CDH9: variants seen among roughly 807,000 people sequenced by gnomAD.
The protein encoded by CDH9 is cadherin-9.
A neutral mutation model predicts 70.9 loss-of-function variants in CDH9; 28 were observed. That is an observed-to-expected ratio of 0.40 (90% CI 0.29 to 0.54). The LOEUF (loss-of-function observed/expected upper bound fraction) is 0.54. Ranked by LOEUF, CDH9 falls within the 20% of genes least tolerant of loss-of-function variation. CDH9 has a pLI of 0.59. For missense variants in CDH9, 874 were observed against 984.4 expected, an observed-to-expected ratio of 0.89 and a Z score of 1.50; for synonymous variants, 409 against 343.1, an observed-to-expected ratio of 1.19 and a Z score of -2.12.
intron 2 of CDH9, among the ~76,000 whole-genome samples, chr5:26,922,281 T>G (rs908228873): frequency 4.0e-5 from 6 of 151,456 alleles, no homozygotes; most frequent in African/African-American, 1.5e-4. Flanking sequence ...AACAAGACAT[T>G]TACTAATCAA....
chr5:26,996,175 G>A (rs2112099887), intron 1 of CDH9, among the ~76,000 whole-genome samples: 1 of 151,934 alleles, frequency 6.6e-6, no homozygotes, highest in South Asian at 2.1e-4. Flanking sequence ...TTCAGACAAA[G>A]TTTCTCAGCT....
intron 1 of CDH9, among the ~76,000 whole-genome samples, chr5:27,036,751 A>G (rs981061342): frequency 5.9e-5 from 9 of 151,780 alleles, no homozygotes; most frequent in Non-Finnish European, 1.3e-4. Flanking sequence ...TTCAAAACAC[A>G]TATAGAGATG....
At chr5:26,934,058 C>G (rs932427850) in intron 2 of CDH9, among the ~76,000 whole-genome samples, 2 of 151,962 alleles carry the variant, frequency 1.3e-5, no homozygotes, top group African/African-American at 2.4e-5. Context: ...AGATGGCTAC[C>G]ACTAATGGCA....
intron 2 of CDH9, among the ~76,000 whole-genome samples, chr5:26,980,396 G>A (rs531677769): frequency 2.8e-4 from 43 of 151,850 alleles, no homozygotes; most frequent in African/African-American, 9.9e-4. Flanking sequence ...AATATTTACT[G>A]AGTAAATTTT....
chr5:27,019,232 C>T (rs1166745677), intron 1 of CDH9, among the ~76,000 whole-genome samples: 1 of 151,942 alleles, frequency 6.6e-6, no homozygotes, highest in African/African-American at 2.4e-5. Context: ...CCTAGATGTA[C>T]ATCTCCTATT....
chr5:26,895,714 G>A (rs1740738079), intron 7 of CDH9, among the ~76,000 whole-genome samples: 1 of 151,980 alleles, frequency 6.6e-6, no homozygotes, highest in Non-Finnish European at 1.5e-5. Context: ...TGTTGCAAGT[G>A]GCAGATGTAT....
At chr5:26,888,478 A>G (rs901340183) in intron 9 of CDH9, among the ~76,000 whole-genome samples, 2 of 150,728 alleles carry the variant, frequency 1.3e-5, no homozygotes, top group African/African-American at 4.9e-5. Flanking sequence ...TATGAAAATT[A>G]AGCATCAAAT....
chr5:27,006,003 C>T (rs2112110504), intron 1 of CDH9, among the ~76,000 whole-genome samples: 1 of 151,902 alleles, frequency 6.6e-6, no homozygotes, highest in East Asian at 2.0e-4. Context: ...AAACGACAGA[C>T]AATAGGAGCT....
rs189488598 is a variant in CDH9, at chr5:27,022,367, T to C, written c.-50+16096A>G. On this transcript the variant is annotated intron_variant, in intron 1 of 11. Transcript: ENST00000231021. Reference sequence around the variant, plus strand: ...AAATTGTCAGACTGACATGTATACGTTGTCTTCTTCAAAGGATTGAACAGT... The same window carrying C: ...AAATTGTCAGACTGACATGTATACGCTGTCTTCTTCAAAGGATTGAACAGT... Among the ~76,000 whole-genome samples, 20 of 152,204 alleles carry C rather than the reference T, an allele frequency of 1.3e-4. 1 individual carries two copies. The highest frequency in any genetic ancestry group is 1.1e-3 in the Admixed American group (17 of 15,228).
chr5:27,022,109 G>A (rs1220075683), intron 1 of CDH9, among the ~76,000 whole-genome samples: 1 of 151,918 alleles, frequency 6.6e-6, no homozygotes, highest in East Asian at 1.9e-4. Context: ...GTTAAGAATA[G>A]TAATTTCTGA....
At chr5:26,985,097 A>T (rs1425655835) in intron 2 of CDH9, among the ~76,000 whole-genome samples, 5 of 152,148 alleles carry the variant, frequency 3.3e-5, no homozygotes, top group Non-Finnish European at 7.4e-5. Context: ...TTTACATTTC[A>T]TGCTGTATGC....
chr5:26,947,132 T>C (rs7726477), intron 2 of CDH9, among the ~76,000 whole-genome samples: 19,719 of 152,134 alleles, frequency 0.13, 4,281 homozygotes, highest in African/African-American at 0.45. Flanking sequence ...TAATGGCAAT[T>C]TTTGAATTGT....
chr5:26,943,896 T>C (rs1741703730), intron 2 of CDH9, among the ~76,000 whole-genome samples: 1 of 152,226 alleles, frequency 6.6e-6, no homozygotes, highest in Admixed American at 6.5e-5. Context: ...TTATATTATA[T>C]AACATACATT....
chr5:26,995,887 C>T (rs1742656518), intron 1 of CDH9, among the ~76,000 whole-genome samples: 1 of 152,004 alleles, frequency 6.6e-6, no homozygotes, highest in African/African-American at 2.4e-5. Flanking sequence ...AATCAGGGAA[C>T]TCACTCAAAT....
chr5:26,962,831 G>C (rs1481951085), intron 2 of CDH9, among the ~76,000 whole-genome samples: 1 of 151,914 alleles, frequency 6.6e-6, no homozygotes, highest in Non-Finnish European at 1.5e-5. Context: ...TAAAAATAAC[G>C]TTTCTCATTT....
Position 26,975,109 on chromosome 5 carries a change from G to T in CDH9, c.228+12997C>A, listed in dbSNP as rs140316213. Among the ~76,000 whole-genome samples the T allele has an allele frequency of 3.5e-4, 54 of 152,228 alleles. No homozygotes were observed. In the East Asian group the frequency reaches 0.01, roughly 28 times the overall value. Reference sequence around the variant, plus strand: ...CCCTCACTTTCTGATTGACATGTGAGTGGAAGTGCTCACAGAATTGCCCTG... The same window carrying T: ...CCCTCACTTTCTGATTGACATGTGATTGGAAGTGCTCACAGAATTGCCCTG... On this transcript the variant is annotated intron_variant, in intron 2 of 11. Coordinates refer to ENST00000231021, the MANE Select transcript of CDH9 (RefSeq NM_016279.4).
chr5:26,941,481 T>C (rs1021310455), intron 2 of CDH9, among the ~76,000 whole-genome samples: 6 of 152,172 alleles, frequency 3.9e-5, no homozygotes, highest in African/African-American at 1.2e-4. Flanking sequence ...ACTCAGCTGC[T>C]CCCTGTCATT....
intron 1 of CDH9, among the ~76,000 whole-genome samples, chr5:27,036,726 C>T (rs1743399993): frequency 6.6e-6 from 1 of 151,642 alleles, no homozygotes; most frequent in South Asian, 2.1e-4. Context: ...ACTTATCTTA[C>T]ATTTTTTTTC....
Position 26,909,889 on chromosome 5 carries a change from A to G in CDH9, c.524-3051T>C, listed in dbSNP as rs181628598. ...CTGATAAATAATTCGGTGGCTAAAG[A>G]TTTTGGGGAACCAAAAGCATTCCTC... On this transcript the variant is annotated intron_variant, in intron 3 of 11. Coordinates refer to ENST00000231021, the MANE Select transcript of CDH9 (RefSeq NM_016279.4). 5.5e-4 allele frequency among the ~76,000 whole-genome samples: 83 copies of G among 152,042 alleles called. No homozygotes were observed. In the East Asian group the frequency reaches 7.3e-3, roughly 13 times the overall value.
Sources: gnomAD v4.1 joint callset for allele counts (sites outside exome capture counted in the v4.1 genomes callset) on GRCh38, gnomAD v4.1.1 for gene constraint, MANE v1.5 for transcripts, NCBI Gene and HGNC (gene_info 2026-07-23, HGNC 2026-07-21) for gene names.